The following RPS20 variants were observed in gnomAD, a reference collection of about 807,000 sequenced individuals.
RPS20 encodes the protein ribosomal protein S20.
RPS20 carries 3 observed loss-of-function variants against 15.3 expected under a neutral mutation model. The ratio of observed to expected loss-of-function variants is 0.20; its 90% CI spans 0.09 to 0.51. The LOEUF (loss-of-function observed/expected upper bound fraction) is 0.51. Among genes scored for constraint, RPS20 ranks in the 20% least tolerant of loss-of-function variants. The pLI is 0.96. For missense variants in RPS20, 67 were observed against 145.9 expected, an observed-to-expected ratio of 0.46 and a Z score of 2.79; for synonymous variants, 62 against 47.8, an observed-to-expected ratio of 1.30 and a Z score of -1.23.
chr8:56,072,802 C>T (rs554023596), downstream of RPS20: 1 of 1,039,646 alleles, frequency 9.6e-7, no homozygotes, highest in Admixed American at 4.8e-5. Flanking sequence ...CCCCAGAAAC[C>T]TTAACACCCC....
downstream of RPS20, chr8:56,069,880 GTA>G: frequency 1.2e-6 from 1 of 852,214 alleles, no homozygotes; most frequent in Non-Finnish European, 2.0e-6. Flanking sequence ...TACTGCACAT[GTA>G]TAGACATTCT....
intron 1 of RPS20, 32 bp from the exon 2 acceptor site, chr8:56,074,191 G>C (rs766219198): frequency 1.9e-6 from 3 of 1,580,460 alleles, no homozygotes; most frequent in Non-Finnish European, 2.6e-6. Flanking sequence ...AGAACAATAA[G>C]CCAAAAATGG....
At chr8:56,073,350 T>A in intron 3 of RPS20, 78 bp from the exon 4 acceptor site, 1 of 924,222 alleles carries the variant, frequency 1.1e-6, no homozygotes, top group Non-Finnish European at 1.7e-6. Flanking sequence ...TCATTACTTC[T>A]AATCATTTCA....
rs1379751053 is a variant in RPS20, at chr8:56,074,143, C to G, written c.20G>C (p.Gly7Ala). The change falls in exon 2 of 4, where the codon GGA becomes GCA. Residue 7 changes from glycine to alanine, a missense_variant. Transcript: ENST00000009589. ...CACCTCCGGCTCCACGGGTGTTTTT[C>G]CGGTATCCTTAAAAGCCTATTATTA... MAFKDT[G>A]KTPVEPEVAI... The G allele has an allele frequency of 1.2e-6, 2 of 1,612,890 alleles. No individual in the cohort carries two copies. The highest frequency in any genetic ancestry group is 8.5e-7 in the Non-Finnish European group (1 of 1,179,856).
At chr8:56,072,559 A>G (rs77260113), downstream of RPS20, among the ~76,000 whole-genome samples, 1 of 132,232 alleles carries the variant, frequency 7.6e-6, no homozygotes, top group African/African-American at 2.8e-5. Flanking sequence ...CCCCCCCCCC[A>G]AAAAAAAAAA....
downstream of RPS20, among the ~76,000 whole-genome samples, chr8:56,071,703 T>C (rs1287637620): frequency 6.6e-6 from 1 of 152,222 alleles, no homozygotes. Context: ...GTGCCTAGCA[T>C]GCAGTTGGTT....
At chr8:56,073,992 C>T (rs1273239075) in intron 2 of RPS20, 68 bp downstream of exon 2, 2 of 1,290,396 alleles carry the variant, frequency 1.5e-6, no homozygotes, top group African/African-American at 2.9e-5. Flanking sequence ...TCTACACTAA[C>T]ATTAACGAGT....
chr8:56,069,704 T>TG, downstream of RPS20: 1 of 1,546,912 alleles, frequency 6.5e-7, no homozygotes, highest in Non-Finnish European at 8.8e-7. Flanking sequence ...CACTTATACC[T>TG]GCTTGGTCAC....
chr8:56,072,032 TCA>T (rs1357534364), downstream of RPS20, among the ~76,000 whole-genome samples: 1 of 152,144 alleles, frequency 6.6e-6, no homozygotes, highest in Non-Finnish European at 1.5e-5. Flanking sequence ...GTTTGAGTCT[TCA>T]GAGTTCCAGA....
chr8:56,074,432 A>G lies in RPS20; in HGVS notation c.-49T>C, dbSNP rs529423624. ...ACCGACTTGTTCCTCGGCGAGAGCG[A>G]ACAGCGGTGAGTCAGGAGCAGGAGC... On this transcript the variant is annotated 5_prime_UTR_variant, in exon 1 of 4. Transcript: ENST00000009589. 2 of 1,545,356 alleles carry G rather than the reference A, an allele frequency of 1.3e-6. No individual in the cohort carries two copies. The highest frequency in any genetic ancestry group is 2.4e-5 in the East Asian group (1 of 41,702).
downstream of RPS20, among the ~76,000 whole-genome samples, chr8:56,070,933 G>T (rs182627095): frequency 6.6e-6 from 1 of 152,008 alleles, no homozygotes; most frequent in African/African-American, 2.4e-5. Context: ...AACTTGCATA[G>T]AATTATTGGC....
downstream of RPS20, chr8:56,069,587 C>A: frequency 1.3e-6 from 1 of 762,838 alleles, no homozygotes; most frequent in African/African-American, 1.7e-5. Flanking sequence ...GTGTGAGCCA[C>A]CCCGCCCAGC....
chr8:56,068,807 C>CTTTTTTTTTTTTTTTTTTTTTTTT (rs61576194), downstream of RPS20, among the ~76,000 whole-genome samples: 6 of 27,692 alleles, frequency 2.2e-4, 3 homozygotes, highest in Non-Finnish European at 2.8e-4. Context: ...GTGAAAATAT[C>CTTTTTTTTTTTTTTTTTTTTTTTT]TTTTTTTTTT....
downstream of RPS20, among the ~76,000 whole-genome samples, chr8:56,070,306 C>A (rs1227334267): frequency 6.6e-6 from 1 of 152,150 alleles, no homozygotes; most frequent in Admixed American, 6.5e-5. Flanking sequence ...GTAACTTGAT[C>A]GTCTCCATAA....
chr8:56,070,504 G>A (rs960096305), downstream of RPS20, among the ~76,000 whole-genome samples: 3 of 152,102 alleles, frequency 2.0e-5, no homozygotes, highest in East Asian at 3.9e-4. Context: ...GGGAGGCCGA[G>A]GAGGGTGGAT....
intron 1 of RPS20, 75 bp from the exon 2 acceptor site, chr8:56,074,234 A>G (rs1370055631): frequency 1.3e-6 from 2 of 1,538,620 alleles, no homozygotes; most frequent in East Asian, 2.2e-5. Flanking sequence ...AGCTTCCGGA[A>G]GCTTCCCGCG....
downstream of RPS20, chr8:56,072,973 T>C (rs2129213049): frequency 6.9e-7 from 1 of 1,456,848 alleles, no homozygotes; most frequent in South Asian, 1.5e-5. Context: ...ACCCATATAT[T>C]CCACCTGAAA....
chr8:56,072,241 T>C (rs1272734225), downstream of RPS20, among the ~76,000 whole-genome samples: 1 of 151,296 alleles, frequency 6.6e-6, no homozygotes, highest in Non-Finnish European at 1.5e-5. Context: ...AAAATATAAG[T>C]ATTTTTAAAA....
chr8:56,072,257 A>G (rs919584265), downstream of RPS20, among the ~76,000 whole-genome samples: 3 of 152,132 alleles, frequency 2.0e-5, no homozygotes, highest in East Asian at 3.9e-4. Flanking sequence ...TAAAAAATGT[A>G]AAAGTGAAAA....
Sources: allele counts gnomAD v4.1 joint callset (sites outside exome capture counted in the v4.1 genomes callset), GRCh38; gene constraint gnomAD v4.1.1; transcripts MANE v1.5; gene names NCBI Gene and HGNC (gene_info 2026-07-23, HGNC 2026-07-21).